The following CNTN6 variants were observed in gnomAD, a reference collection of about 807,000 sequenced individuals.
CNTN6 encodes contactin 6, also known as contactin-6.
A neutral mutation model predicts 122.8 loss-of-function variants in CNTN6; 137 were observed. The observed-to-expected ratio is 1.12, with a 90% CI of 0.97 to 1.29. The LOEUF (loss-of-function observed/expected upper bound fraction) is 1.29, where lower values mean the gene tolerates loss of function less well. CNTN6 is among the 50% of genes most tolerant of loss of function. The probability of loss-of-function intolerance (pLI) is 0.00; values close to 1 mark genes in which losing one functional copy is unlikely to be tolerated. For missense variants in CNTN6, 1,634 were observed against 1,223.4 expected (o/e 1.34, Z -5.01); for synonymous variants, 570 against 426.0 (o/e 1.34, Z -4.16).
intron 8 of CNTN6, among the ~76,000 whole-genome samples, chr3:1,324,252 T>A (rs755517284): frequency 6.7e-6 from 1 of 149,308 alleles, no homozygotes; most frequent in South Asian, 2.1e-4. Context: ...TGTAGTCTCA[T>A]TGAAGGGTCT....
chr3:1,325,966 T>A lies in CNTN6; in HGVS notation c.1083+15T>A, dbSNP rs1335478161. Reference sequence around the variant, plus strand: ...TCAACCCAGAGGTAAGCAACTATGTTGATATTAAAAGTTTACCTACTCTAC... The same window carrying A: ...TCAACCCAGAGGTAAGCAACTATGTAGATATTAAAAGTTTACCTACTCTAC... On this transcript the variant is annotated intron_variant, in intron 9 of 22. Coordinates refer to ENST00000446702, the MANE Select transcript of CNTN6 (RefSeq NM_001289080.2). The A allele has an allele frequency of 1.2e-6, 2 of 1,600,320 alleles. No homozygotes were observed. Among genetic ancestry groups the A allele is most frequent in the South Asian group, 1.1e-5 (1 of 88,956 alleles).
chr3:1,139,026 A>G (rs1257015910), intron 1 of CNTN6, among the ~76,000 whole-genome samples: 1 of 152,094 alleles, frequency 6.6e-6, no homozygotes, highest in East Asian at 1.9e-4. Flanking sequence ...CTCTAGGCCA[A>G]CCTTTAGCCC....
intron 1 of CNTN6, among the ~76,000 whole-genome samples, chr3:1,143,859 A>T (rs1489953245): frequency 6.6e-6 from 1 of 152,222 alleles, no homozygotes; most frequent in African/African-American, 2.4e-5. Flanking sequence ...AAACCATCTT[A>T]GAATATTAGA....
intron 1 of CNTN6, among the ~76,000 whole-genome samples, chr3:1,113,841 A>T (rs2091593778): frequency 1.5e-5 from 1 of 67,276 alleles, no homozygotes; most frequent in East Asian, 5.4e-4. Context: ...CTACTAAAAC[A>T]CATTAGTTAA....
intron 19 of CNTN6, among the ~76,000 whole-genome samples, chr3:1,384,841 C>G (rs928042416): frequency 1.4e-5 from 2 of 144,978 alleles, no homozygotes; most frequent in African/African-American, 5.2e-5. Context: ...AACCATAATC[C>G]TCTGATTCCA....
chr3:1,228,077 C>T, intron 4 of CNTN6, 84 bp downstream of exon 4: 3 of 1,317,010 alleles, frequency 2.3e-6, no homozygotes, highest in East Asian at 2.3e-5. Context: ...TCTAGCTTTG[C>T]CAATGATATA....
chr3:1,094,527 C>G (rs1413588488), intron 1 of CNTN6, among the ~76,000 whole-genome samples: 1 of 151,894 alleles, frequency 6.6e-6, no homozygotes, highest in East Asian at 1.9e-4. Context: ...CACATCTTAG[C>G]AAAAAAGTCA....
At chr3:1,243,909 A>G (rs1009443955) in intron 4 of CNTN6, among the ~76,000 whole-genome samples, 3 of 151,970 alleles carry the variant, frequency 2.0e-5, no homozygotes, top group African/African-American at 7.3e-5. Context: ...TGGGGTTGGG[A>G]CCAAGGGGAC....
At chr3:1,199,564 G>A (rs2125419125) in intron 2 of CNTN6, among the ~76,000 whole-genome samples, 1 of 152,136 alleles carries the variant, frequency 6.6e-6, no homozygotes, top group East Asian at 1.9e-4. Context: ...ATTTTTAAAT[G>A]GCTATTTGAA....
At chr3:1,110,176 A>G (rs2091414892) in intron 1 of CNTN6, among the ~76,000 whole-genome samples, 1 of 152,170 alleles carries the variant, frequency 6.6e-6, no homozygotes, top group Non-Finnish European at 1.5e-5. Flanking sequence ...ATAAAAACAG[A>G]TAGAAGAATC....
At chr3:1,286,117 G>A (rs779387781) in intron 5 of CNTN6, among the ~76,000 whole-genome samples, 1 of 152,212 alleles carries the variant, frequency 6.6e-6, no homozygotes, top group Non-Finnish European at 1.5e-5. Flanking sequence ...GTTACCATGT[G>A]TAGAAGTCAG....
Position 1,372,820 on chromosome 3 carries a change from C to G in CNTN6, c.1669-18C>G. ...TATGGGCTTACGTTTTTATCCATTT[C>G]TCCCTTTCTGTCTGCAGGAATCTGT... On this transcript the variant is annotated intron_variant, in intron 13 of 22. Transcript: ENST00000446702. The G allele has an allele frequency of 6.9e-7, 1 of 1,448,482 alleles. No homozygotes were observed. Among genetic ancestry groups the G allele is most frequent in the Non-Finnish European group, 9.6e-7 (1 of 1,043,044 alleles). The allele number at this position is 1,448,482 out of a possible 1,614,324, so 89.7% of individuals were successfully genotyped here.
At chr3:1,113,133 A>G (rs2125026060) in intron 1 of CNTN6, among the ~76,000 whole-genome samples, 1 of 152,260 alleles carries the variant, frequency 6.6e-6, no homozygotes, top group South Asian at 2.1e-4. Flanking sequence ...ATTCAGGCAA[A>G]TGATAAGAGA....
At chr3:1,168,415 G>C (rs1182066452) in intron 2 of CNTN6, among the ~76,000 whole-genome samples, 1 of 149,158 alleles carries the variant, frequency 6.7e-6, no homozygotes, top group Non-Finnish European at 1.5e-5. Flanking sequence ...AGGTAGTGTA[G>C]AACACACCTC....
intron 4 of CNTN6, among the ~76,000 whole-genome samples, chr3:1,237,821 G>A (rs1559572793): frequency 6.6e-6 from 1 of 152,050 alleles, no homozygotes; most frequent in Non-Finnish European, 1.5e-5. Context: ...ATGAAGGAAA[G>A]ACACAGTCTT....
chr3:1,093,739 C>T (rs989844923), intron 1 of CNTN6, among the ~76,000 whole-genome samples: 10 of 152,154 alleles, frequency 6.6e-5, no homozygotes, highest in African/African-American at 2.2e-4. Flanking sequence ...TTACCATTTA[C>T]ACCAGTTAAG....
At chr3:1,368,703 T>A (rs1164034688) in intron 12 of CNTN6, among the ~76,000 whole-genome samples, 1 of 152,162 alleles carries the variant, frequency 6.6e-6, no homozygotes, top group African/African-American at 2.4e-5. Context: ...ATAACCTCAA[T>A]AAAGTATTAT....
In CNTN6 at chr3:1,256,485, G is replaced by C. The variant is rs906723072; in HGVS notation, c.359-21928G>C. Among the ~76,000 whole-genome samples the C allele has an allele frequency of 2.6e-5, 4 of 152,186 alleles. No individual in the cohort carries two copies. In the South Asian group the frequency reaches 8.3e-4, roughly 32 times the overall value. On this transcript the variant is annotated intron_variant, in intron 4 of 22. Transcript: ENST00000446702. ...TGAGGAAGACTTGAAGAACTACTTT[G>C]AATAAAGAATTAAGAGTTCAATTTC...
At chr3:1,261,518 A>G (rs751427129) in intron 4 of CNTN6, among the ~76,000 whole-genome samples, 4 of 148,484 alleles carry the variant, frequency 2.7e-5, no homozygotes, top group African/African-American at 4.8e-5. Flanking sequence ...CAGGACTTCA[A>G]TTTCTGGTAA....
Sources: allele counts gnomAD v4.1 joint callset (sites outside exome capture counted in the v4.1 genomes callset), GRCh38; gene constraint gnomAD v4.1.1; transcripts MANE v1.5; gene names NCBI Gene and HGNC (gene_info 2026-07-23, HGNC 2026-07-21).